The following ADAMTS18 variants were observed in gnomAD, a reference collection of about 807,000 sequenced individuals.
ADAMTS18 encodes ADAM metallopeptidase with thrombospondin type 1 motif 18, also known as A disintegrin and metalloproteinase with thrombospondin motifs 18.
A neutral mutation model predicts 165.9 loss-of-function variants in ADAMTS18; 157 were observed. The observed-to-expected ratio is 0.95, with a 90% CI of 0.83 to 1.08. The LOEUF is 1.08. ADAMTS18 is among the 50% of genes least tolerant of loss of function. ADAMTS18 has a pLI of 0.00. For missense variants in ADAMTS18, 2,040 were observed against 1,534.0 expected, an observed-to-expected ratio of 1.33 and a Z score of -5.51; for synonymous variants, 782 against 578.2, an observed-to-expected ratio of 1.35 and a Z score of -5.06.
At chr16:77,401,570 G>A (rs375867106) in intron 3 of ADAMTS18, among the ~76,000 whole-genome samples, 15 of 152,340 alleles carry the variant, frequency 9.8e-5, no homozygotes, top group African/African-American at 3.6e-4. Context: ...CTCTACACTA[G>A]AATTGACAAG....
intron 10 of ADAMTS18, among the ~76,000 whole-genome samples, chr16:77,345,005 A>C (rs376912538): frequency 2.6e-5 from 4 of 152,220 alleles, no homozygotes; most frequent in East Asian, 3.9e-4. Context: ...TTAAGTCATA[A>C]TTTAAGGGAA....
intron 3 of ADAMTS18, among the ~76,000 whole-genome samples, chr16:77,425,225 G>T (rs1023743401): frequency 6.6e-6 from 1 of 152,206 alleles, no homozygotes; most frequent in African/African-American, 2.4e-5. Context: ...AGCCAGCCAT[G>T]GGGGAGAAAC....
intron 3 of ADAMTS18, among the ~76,000 whole-genome samples, chr16:77,425,940 G>A (rs1306947798): frequency 6.6e-6 from 1 of 152,070 alleles, no homozygotes; most frequent in East Asian, 1.9e-4. Flanking sequence ...CAGCTGCTTG[G>A]GAGGCTGAGG....
intron 9 of ADAMTS18, 91 bp downstream of exon 9, chr16:77,355,849 A>G (rs1296807411): frequency 2.0e-6 from 3 of 1,474,180 alleles, no homozygotes; most frequent in Non-Finnish European, 2.8e-6. Flanking sequence ...GTCAAAAGGT[A>G]TTTCCACTGA....
chr16:77,374,334 A>G (rs2056919838), intron 3 of ADAMTS18, among the ~76,000 whole-genome samples: 1 of 152,320 alleles, frequency 6.6e-6, no homozygotes, highest in African/African-American at 2.4e-5. Flanking sequence ...GACAATTTCA[A>G]GACTATAATG....
intron 4 of ADAMTS18, among the ~76,000 whole-genome samples, chr16:77,364,921 C>T (rs571448297): frequency 6.6e-6 from 1 of 152,120 alleles, no homozygotes; most frequent in South Asian, 2.1e-4. Flanking sequence ...GCCTGGCCAA[C>T]ATGGTGAAAC....
At chr16:77,324,345 C>T (rs960063381) in intron 13 of ADAMTS18, among the ~76,000 whole-genome samples, 1 of 152,208 alleles carries the variant, frequency 6.6e-6, no homozygotes, top group Admixed American at 6.5e-5. Flanking sequence ...TCACTCAGCT[C>T]CTGGTAGAAT....
intron 4 of ADAMTS18, among the ~76,000 whole-genome samples, chr16:77,365,887 C>G (rs916560680): frequency 1.3e-5 from 2 of 152,176 alleles, no homozygotes; most frequent in African/African-American, 4.8e-5. Flanking sequence ...GCCTCAGTTT[C>G]CTTATCTATG....
chr16:77,305,510 G>A (rs746531923), intron 16 of ADAMTS18, among the ~76,000 whole-genome samples: 2 of 152,162 alleles, frequency 1.3e-5, no homozygotes, highest in Non-Finnish European at 2.9e-5. Context: ...ACCAAAGGGC[G>A]CTTCTAAGCA....
Position 77,311,376 on chromosome 16 carries a change from A to G in ADAMTS18, c.2532+8473T>C, listed in dbSNP as rs1030265991. Among the ~76,000 whole-genome samples the G allele has an allele frequency of 6.7e-4, 102 of 152,314 alleles. 1 individual carries two copies. Among genetic ancestry groups the G allele is most frequent in the African/African-American group, 2.4e-3 (99 of 41,578 alleles). ...TGGAGTAAATATATGTTTGGCTCCA[A>G]AAGTATTCATTTTGGCTCTTCATAG... On this transcript the variant is annotated intron_variant, in intron 16 of 22. Coordinates refer to ENST00000282849, the MANE Select transcript of ADAMTS18 (RefSeq NM_199355.4).
intron 11 of ADAMTS18, among the ~76,000 whole-genome samples, chr16:77,339,302 G>C (rs993047355): frequency 3.9e-5 from 6 of 152,044 alleles, no homozygotes; most frequent in Non-Finnish European, 8.8e-5. Context: ...TTCTGTTGAG[G>C]GTGACATTAC....
At chr16:77,434,571 C>T (rs1438024681) in intron 1 of ADAMTS18, 35 bp downstream of exon 1, 47 of 1,530,282 alleles carry the variant, frequency 3.1e-5, no homozygotes, top group Non-Finnish European at 3.8e-5. Context: ...CGCCCCCTGC[C>T]ACCCGCTCTC....
intron 22 of ADAMTS18, among the ~76,000 whole-genome samples, chr16:77,288,840 T>C (rs1240636997): frequency 2.6e-5 from 4 of 152,172 alleles, no homozygotes; most frequent in African/African-American, 7.2e-5. Context: ...AGGCTGGGCA[T>C]GTGGCTTGTG....
chr16:77,372,700 C>A (rs1385067154), intron 3 of ADAMTS18, among the ~76,000 whole-genome samples: 1 of 152,170 alleles, frequency 6.6e-6, no homozygotes, highest in Non-Finnish European at 1.5e-5. Flanking sequence ...TTTCACAACC[C>A]GAGAAATCCC....
intron 3 of ADAMTS18, among the ~76,000 whole-genome samples, chr16:77,421,956 T>C (rs1463094494): frequency 6.6e-6 from 1 of 152,166 alleles, no homozygotes; most frequent in African/African-American, 2.4e-5. Flanking sequence ...AAAATATACA[T>C]TGTTTTTAAT....
At chr16:77,321,985 G>A (rs1326857725) in intron 14 of ADAMTS18, among the ~76,000 whole-genome samples, 10 of 151,794 alleles carry the variant, frequency 6.6e-5, no homozygotes, top group South Asian at 2.1e-4. Context: ...GCGAAATCCC[G>A]TCTCTACTAA....
intron 10 of ADAMTS18, among the ~76,000 whole-genome samples, chr16:77,346,782 G>C (rs1028370201): frequency 6.6e-6 from 1 of 152,158 alleles, no homozygotes; most frequent in Non-Finnish European, 1.5e-5. Context: ...GAGTCACCAA[G>C]AATTGCCCCG....
chr16:77,411,676 A>ATTT (rs1250113354), intron 3 of ADAMTS18, among the ~76,000 whole-genome samples: 2 of 101,432 alleles, frequency 2.0e-5, no homozygotes, highest in South Asian at 3.0e-4. Flanking sequence ...GAGTATCCAG[A>ATTT]ATTTTTTTTT....
intron 3 of ADAMTS18, among the ~76,000 whole-genome samples, chr16:77,400,069 T>C (rs2057305866): frequency 6.6e-6 from 1 of 152,132 alleles, no homozygotes; most frequent in South Asian, 2.1e-4. Flanking sequence ...ATATCTCAAA[T>C]AAGCTAATAC....
Sources: gnomAD v4.1 joint callset for allele counts (sites outside exome capture counted in the v4.1 genomes callset) on GRCh38, gnomAD v4.1.1 for gene constraint, MANE v1.5 for transcripts, NCBI Gene and HGNC (gene_info 2026-07-23, HGNC 2026-07-21) for gene names.